ELF2: variants seen among roughly 807,000 people sequenced by gnomAD.
The protein encoded by ELF2 is E74 like ETS transcription factor 2.
Under a neutral mutation model 54.8 loss-of-function variants are expected in ELF2, and 11 were observed. That is an observed-to-expected ratio of 0.20 (90% confidence interval 0.13 to 0.33). The LOEUF is 0.33. Among genes scored for constraint, ELF2 ranks in the 10% least tolerant of loss-of-function variants. The pLI, the probability that ELF2 is intolerant of heterozygous loss-of-function variation, is 1.00. For synonymous variants in ELF2, 203 were observed against 245.1 expected (o/e 0.83, Z 1.61); for missense variants, 513 against 703.0 (o/e 0.73, Z 3.06).
chr4:139,120,461 T>C (rs1338516011), intron 4 of ELF2, among the ~76,000 whole-genome samples: 1 of 152,116 alleles, frequency 6.6e-6, no homozygotes, highest in Non-Finnish European at 1.5e-5. Context: ...TTTAGAGACA[T>C]GGCTCACTCT....
chr4:139,133,636 CTT>C (rs35553898), intron 3 of ELF2, among the ~76,000 whole-genome samples: 107 of 143,328 alleles, frequency 7.5e-4, no homozygotes, highest in East Asian at 1.6e-3. Context: ...TTTTCCCTAC[CTT>C]TTTTTTTTTT....
At chr4:139,115,094 C>T in intron 4 of ELF2, 1 of 1,613,924 alleles carries the variant, frequency 6.2e-7, no homozygotes, top group Non-Finnish European at 8.5e-7. Context: ...ACGTCAATCT[C>T]CAGTTCTGGG....
chr4:139,093,430 A>C (rs561024027), intron 4 of ELF2, among the ~76,000 whole-genome samples: 81 of 152,362 alleles, frequency 5.3e-4, no homozygotes, highest in African/African-American at 1.9e-3. Flanking sequence ...TAGAAGAGAA[A>C]AATCAGTGAA....
chr4:139,099,605 G>C (rs1246358084), intron 4 of ELF2, among the ~76,000 whole-genome samples: 3 of 152,150 alleles, frequency 2.0e-5, no homozygotes. Flanking sequence ...ACCTTAGACT[G>C]ATTTTGGATA....
intron 1 of ELF2, among the ~76,000 whole-genome samples, chr4:139,163,793 A>G (rs910643916): frequency 3.3e-5 from 5 of 152,078 alleles, no homozygotes; most frequent in Non-Finnish European, 7.4e-5. Flanking sequence ...ATGTGCCTGT[A>G]GTCTCAGCTA....
chr4:139,109,877 C>G (rs1295166251), intron 4 of ELF2, among the ~76,000 whole-genome samples: 1 of 152,142 alleles, frequency 6.6e-6, no homozygotes, highest in Non-Finnish European at 1.5e-5. Context: ...AAACTTCCCA[C>G]GTGTACTGTG....
rs150640341 is a variant in ELF2 at position 139,068,332 on chromosome 4, A to G, written c.527-562T>C. 8.0e-3 allele frequency among the ~76,000 whole-genome samples: 1,217 copies of G among 152,260 alleles called. 17 individuals are homozygous for G. The highest frequency in any genetic ancestry group is 0.028 in the African/African-American group (1,155 of 41,552). ...CTGTACCCGGCCTTGCCAATCTTTT[A>G]TATTAGTGTAGCAATAGAAACAAAT... is the stretch of plus-strand genomic sequence containing the variant. On this transcript the variant is annotated intron_variant, in intron 6 of 9. Transcript: ENST00000686138.
rs185337316 is a variant in ELF2, at chr4:139,093,998, G to A, written c.239-20431C>T. ...ACTGCAACCTCCGCCTCTCGGGTTC[G>A]AGCGATTCTTCTGCCTCAGCCTCCT... is the stretch of plus-strand genomic sequence containing the variant. On this transcript the variant is annotated intron_variant, in intron 4 of 9. Coordinates refer to ENST00000686138, the MANE Select transcript of ELF2 (RefSeq NM_001331036.3). 4.6e-3 allele frequency among the ~76,000 whole-genome samples: 685 copies of A among 149,054 alleles called. 24 individuals are homozygous for A. Among genetic ancestry groups the A allele is most frequent in the Admixed American group, 0.039 (579 of 14,742 alleles).
intron 1 of ELF2, among the ~76,000 whole-genome samples, chr4:139,172,969 G>A (rs1475806631): frequency 7.2e-5 from 10 of 138,688 alleles, no homozygotes; most frequent in African/African-American, 2.4e-4. Flanking sequence ...ACTGATAAAC[G>A]CTACAATATG....
intron 1 of ELF2, among the ~76,000 whole-genome samples, chr4:139,161,652 TAAAAAAA>T (rs57452146): frequency 2.1e-4 from 15 of 70,028 alleles, no homozygotes; most frequent in East Asian, 4.5e-4. Flanking sequence ...TAAAACTGTT[TAAAAAAA>T]AAAAAAAAAA....
intron 3 of ELF2, 66 bp from the exon 4 acceptor site, chr4:139,125,395 C>A: frequency 6.4e-7 from 1 of 1,572,014 alleles, no homozygotes; most frequent in Non-Finnish European, 8.6e-7. Flanking sequence ...ACTTATAAAT[C>A]CTTGAACTAA....
intron 4 of ELF2, among the ~76,000 whole-genome samples, chr4:139,082,300 G>A (rs557417967): frequency 1.3e-5 from 2 of 152,274 alleles, no homozygotes; most frequent in African/African-American, 2.4e-5. Flanking sequence ...CGTATCGTTA[G>A]TACCAATAAT....
At chr4:139,086,661 T>C (rs979947518) in intron 4 of ELF2, among the ~76,000 whole-genome samples, 3 of 152,204 alleles carry the variant, frequency 2.0e-5, no homozygotes, top group African/African-American at 7.2e-5. Context: ...CACTAAATTA[T>C]ATAACAAAAG....
chr4:139,135,235 ATATGTGTGTGTGTGTG>A (rs1008347802), intron 3 of ELF2, among the ~76,000 whole-genome samples: 11 of 131,886 alleles, frequency 8.3e-5, no homozygotes, highest in African/African-American at 2.2e-4. Flanking sequence ...ACTACTATAT[ATATGTGTGTGTGTGTG>A]TGTGTGTGTG....
chr4:139,170,163 C>T (rs370110152), intron 1 of ELF2, among the ~76,000 whole-genome samples: 3 of 151,138 alleles, frequency 2.0e-5, no homozygotes, highest in African/African-American at 7.3e-5. Flanking sequence ...AGAGTTCTTA[C>T]ATAAGACAAC....
intron 1 of ELF2, among the ~76,000 whole-genome samples, chr4:139,158,201 T>C (rs925060002): frequency 2.0e-5 from 3 of 152,058 alleles, no homozygotes; most frequent in East Asian, 1.9e-4. Flanking sequence ...GGGGGAGCTT[T>C]TGAGCCAGGA....
At chr4:139,170,175 A>G (rs951181484) in intron 1 of ELF2, among the ~76,000 whole-genome samples, 1 of 152,098 alleles carries the variant, frequency 6.6e-6, no homozygotes, top group Non-Finnish European at 1.5e-5. Context: ...TAAGACAACA[A>G]AAGTATAATC....
intron 1 of ELF2, among the ~76,000 whole-genome samples, chr4:139,151,077 AAAG>A (rs1739924606): frequency 6.7e-6 from 1 of 150,022 alleles, no homozygotes; most frequent in Non-Finnish European, 1.5e-5. Flanking sequence ...AGAAAGAAAG[AAAG>A]AAAGAAAGAA....
chr4:139,122,650 T>C (rs1329462006), intron 4 of ELF2, among the ~76,000 whole-genome samples: 1 of 151,808 alleles, frequency 6.6e-6, no homozygotes, highest in South Asian at 2.1e-4. Flanking sequence ...TACAGACGCA[T>C]GCCACCACGC....
Sources: allele counts gnomAD v4.1 joint callset (sites outside exome capture counted in the v4.1 genomes callset), GRCh38; gene constraint gnomAD v4.1.1; transcripts MANE v1.5; gene names NCBI Gene and HGNC (gene_info 2026-07-23, HGNC 2026-07-21).